The following ARMC3 variants were observed in gnomAD, a reference collection of about 807,000 sequenced individuals.
The protein encoded by ARMC3 is armadillo repeat containing 3.
ARMC3 carries 74 observed loss-of-function variants against 90.3 expected under a neutral mutation model. The observed-to-expected ratio is 0.82, with a 90% CI of 0.68 to 0.99. ARMC3 has a LOEUF of 0.99. Ranked by LOEUF, ARMC3 falls within the 50% of genes least tolerant of loss-of-function variation. The pLI, the probability that ARMC3 is intolerant of heterozygous loss-of-function variation, is 0.00. For missense variants in ARMC3, 958 were observed against 1,042.8 expected (o/e 0.92, Z 1.12); for synonymous variants, 334 against 361.8 (o/e 0.92, Z 0.87).
intron 8 of ARMC3, among the ~76,000 whole-genome samples, chr10:22,974,365 G>A (rs1479129893): frequency 6.6e-6 from 1 of 152,022 alleles, no homozygotes; most frequent in African/African-American, 2.4e-5. Context: ...AAAAGGCAAG[G>A]CAAATAAATA....
chr10:22,928,261 ACGG>A lies in ARMC3; in HGVS notation c.-2+156_-2+158del, dbSNP rs373754967. On this transcript the variant is annotated intron_variant, in intron 1 of 18. Coordinates refer to ENST00000298032, the MANE Select transcript of ARMC3 (RefSeq NM_173081.5). ...TTCTGCCTCGCGCCCGCAGGGTTAG[ACGG>A]GGCTTGGGGTGGGTTTCGTAAGCAT... Among the ~76,000 whole-genome samples, 12 of 152,232 alleles carry A rather than the reference ACGG, an allele frequency of 7.9e-5. No individual in the cohort carries two copies. In the East Asian group the frequency reaches 1.4e-3, roughly 17 times the overall value.
intron 10 of ARMC3, among the ~76,000 whole-genome samples, chr10:22,996,619 C>T (rs1836969435): frequency 6.6e-6 from 1 of 152,066 alleles, no homozygotes; most frequent in African/African-American, 2.4e-5. Flanking sequence ...GGTGGTCCTG[C>T]GAGGGTGACA....
chr10:23,015,063 T>C (rs1226874218), intron 16 of ARMC3, among the ~76,000 whole-genome samples: 2 of 151,714 alleles, frequency 1.3e-5, no homozygotes, highest in South Asian at 2.1e-4. Context: ...TCGAGAACCA[T>C]GGAGTGCTAC....
chr10:22,994,494 T>G (rs983617765), intron 10 of ARMC3, among the ~76,000 whole-genome samples: 12 of 152,112 alleles, frequency 7.9e-5, no homozygotes, highest in African/African-American at 2.9e-4. Flanking sequence ...GGCCAGAAGT[T>G]TGGGACTAGC....
chr10:22,936,759 T>A (rs1390709467), intron 2 of ARMC3, among the ~76,000 whole-genome samples: 1 of 152,178 alleles, frequency 6.6e-6, no homozygotes, highest in East Asian at 1.9e-4. Flanking sequence ...AAAATTACTA[T>A]AATGGTGCAG....
chr10:22,931,293 C>CA (rs1833921780), intron 1 of ARMC3, among the ~76,000 whole-genome samples: 1 of 152,194 alleles, frequency 6.6e-6, no homozygotes, highest in Non-Finnish European at 1.5e-5. Context: ...AATTCCATTC[C>CA]TTTCACTTTT....
chr10:22,953,220 G>C (rs913188693), intron 3 of ARMC3, among the ~76,000 whole-genome samples: 3 of 152,260 alleles, frequency 2.0e-5, no homozygotes, highest in Middle Eastern at 6.8e-3. Context: ...ACCTGGAAAA[G>C]AAAAGGAAAT....
intron 15 of ARMC3, 46 bp downstream of exon 15, chr10:23,008,420 ATTTGAGTGTG>A: frequency 9.8e-7 from 1 of 1,016,830 alleles, no homozygotes; most frequent in Non-Finnish European, 1.5e-6. Flanking sequence ...TTCCCCTTTA[ATTTGAGTGTG>A]AAAAAATGTT....
intron 16 of ARMC3, among the ~76,000 whole-genome samples, chr10:23,027,282 CT>C (rs1328616028): frequency 2.0e-5 from 3 of 152,138 alleles, no homozygotes; most frequent in Admixed American, 2.0e-4. Context: ...TTATCTAAGT[CT>C]TCTTTGATTG....
At chr10:22,953,489 T>C (rs185912632) in intron 3 of ARMC3, among the ~76,000 whole-genome samples, 1 of 152,310 alleles carries the variant, frequency 6.6e-6, no homozygotes, top group Admixed American at 6.5e-5. Context: ...CCACTCCTGA[T>C]AAAATATGTC....
At chr10:22,943,813 A>T (rs1834414911) in intron 2 of ARMC3, among the ~76,000 whole-genome samples, 1 of 152,012 alleles carries the variant, frequency 6.6e-6, no homozygotes, top group Non-Finnish European at 1.5e-5. Context: ...GGCACCTGTA[A>T]TCCCAGCTAC....
intron 8 of ARMC3, 28 bp from the exon 9 acceptor site, chr10:22,981,312 G>A (rs1435609150): frequency 4.5e-6 from 7 of 1,563,284 alleles, no homozygotes; most frequent in Non-Finnish European, 6.0e-6. Flanking sequence ...TTAAAATTCT[G>A]AATTTTTTTC....
chr10:22,971,124 T>G (rs1835665282), intron 8 of ARMC3, among the ~76,000 whole-genome samples: 1 of 152,202 alleles, frequency 6.6e-6, no homozygotes, highest in South Asian at 2.1e-4. Flanking sequence ...CCCTCATATA[T>G]ATGGAATCAT....
intron 13 of ARMC3, among the ~76,000 whole-genome samples, chr10:23,005,226 A>AT (rs1455205519): frequency 1.3e-5 from 2 of 151,728 alleles, no homozygotes; most frequent in East Asian, 3.9e-4. Context: ...AAAAAAAAAA[A>AT]AAAAAAACCA....
chr10:22,963,922 CAAAAAAAAAAAAAAAAAAAAAAAA>C (rs35508443), intron 7 of ARMC3, among the ~76,000 whole-genome samples: 14 of 58,556 alleles, frequency 2.4e-4, no homozygotes, highest in South Asian at 8.1e-4. Flanking sequence ...CACACACACA[CAAAAAAAAAAAAAAAAAAAAAAAA>C]AAAAGACTAA....
intron 13 of ARMC3, 121 bp from the exon 14 acceptor site, chr10:23,006,763 T>TG: frequency 1.3e-6 from 1 of 763,444 alleles, no homozygotes; most frequent in Non-Finnish European, 2.3e-6. Flanking sequence ...ATTGTACATG[T>TG]GTGTGTTTGT....
chr10:23,008,184 G>A (rs1837721092), intron 14 of ARMC3, 92 bp from the exon 15 acceptor site: 1 of 627,676 alleles, frequency 1.6e-6, no homozygotes, highest in Non-Finnish European at 2.7e-6. Context: ...CTTCAGTTAT[G>A]ACTTTCAGAA....
chr10:22,976,823 CCTT>C (rs1432488728), intron 8 of ARMC3, among the ~76,000 whole-genome samples: 1 of 152,164 alleles, frequency 6.6e-6, no homozygotes, highest in Admixed American at 6.5e-5. Flanking sequence ...CAAAGAGTAA[CCTT>C]CTGAAAATGC....
At chr10:23,034,928 T>C (rs1839066543) in intron 18 of ARMC3, among the ~76,000 whole-genome samples, 1 of 152,252 alleles carries the variant, frequency 6.6e-6, no homozygotes, top group Non-Finnish European at 1.5e-5. Flanking sequence ...TCCAGATCTA[T>C]GTATGTGATT....
Sources: allele counts gnomAD v4.1 joint callset (sites outside exome capture counted in the v4.1 genomes callset), GRCh38; gene constraint gnomAD v4.1.1; transcripts MANE v1.5; gene names NCBI Gene and HGNC (gene_info 2026-07-23, HGNC 2026-07-21).